Variants in NPR1 observed in about 807,000 individuals in gnomAD.
NPR1 encodes the protein atrial natriuretic peptide receptor 1.
A neutral mutation model predicts 116.9 loss-of-function variants in NPR1; 57 were observed. That is an observed-to-expected ratio of 0.49 (90% CI 0.39 to 0.61). NPR1 has a LOEUF of 0.61. NPR1 is among the 20% of genes least tolerant of loss of function. The pLI, the probability that NPR1 is intolerant of heterozygous loss-of-function variation, is 0.00. For synonymous variants in NPR1, 555 were observed against 601.6 expected (o/e 0.92, Z 1.13); for missense variants, 1,096 against 1,409.8 (o/e 0.78, Z 3.56).
At chr1:153,685,324 A>C (rs892049849) in intron 8 of NPR1, among the ~76,000 whole-genome samples, 1 of 143,824 alleles carries the variant, frequency 7.0e-6, no homozygotes, top group Non-Finnish European at 1.5e-5. Flanking sequence ...AAAACACTTT[A>C]AAAAAAAAAA....
chr1:153,689,814 A>G lies in NPR1; in HGVS notation c.2766A>G (p.Thr922=). ...CCTCGCCACTCCCACAGGTGGAGAC[A>G]ATTGGCGATGCCTACATGGTGGTGT... ...IDNFDVYKVE[T]IGDAYMVVSG... is the part of the protein sequence containing the mutation. Residue 922 remains threonine (T), a synonymous_variant, in exon 19 of 22, where the codon ACA becomes ACG. Coordinates refer to ENST00000368680, the MANE Select transcript of NPR1 (RefSeq NM_000906.4). This position sits in a 1 kb window ranked among gnomAD's most constrained non-coding sequence, Gnocchi z 5.1. 1 of 1,563,770 alleles carries G rather than the reference A, an allele frequency of 6.4e-7. No individual in the cohort carries two copies. The highest frequency in any genetic ancestry group is 8.7e-7 in the Non-Finnish European group (1 of 1,149,234).
intron 8 of NPR1, among the ~76,000 whole-genome samples, chr1:153,685,403 T>C (rs1311978679): frequency 6.6e-6 from 1 of 151,910 alleles, no homozygotes; most frequent in East Asian, 1.9e-4. Flanking sequence ...GTGGCTCACA[T>C]CTGCAATCCC....
In NPR1 at chr1:153,688,041, C is replaced by T; in HGVS notation, c.2249-12C>T. The T allele has an allele frequency of 6.3e-7, 1 of 1,592,344 alleles. No homozygotes were observed. Among genetic ancestry groups the T allele is most frequent in the South Asian group, 1.1e-5 (1 of 89,160 alleles). The stretch of plus-strand genomic sequence containing the variant: ...AGCCCCACCCCTCAGCTCCTCTACC[C>T]CCCCAATACAGAGATCATCGAGCGG... On this transcript the variant is annotated splice_polypyrimidine_tract_variant and intron_variant, in intron 14 of 21. Transcript: ENST00000368680.
intron 2 of NPR1, 133 bp from the exon 3 acceptor site, chr1:153,681,047 G>A (rs2101728920): frequency 3.1e-6 from 2 of 653,460 alleles, no homozygotes; most frequent in South Asian, 1.8e-5. Flanking sequence ...TTCATGCAGG[G>A]CATAGGGTCC....
Position 153,683,789 on chromosome 1 carries a change from G to A in NPR1, c.1449G>A (p.Leu483=). ...TGGCTTTGGTGGGCAGCCTCTCCTT[G>A]CTCGGCATTCTGATTGTCTCCTTCT... ...EVLALVGSLS[L]LGILIVSFFI... The change falls in exon 7 of 22, where the codon TTG becomes TTA. Residue 483 remains leucine (L), a synonymous_variant. Transcript: ENST00000368680. 6.2e-7 allele frequency: 1 copy of A among 1,613,994 alleles called. No homozygotes were observed.
chr1:153,686,325 C>G (rs1669927158), intron 10 of NPR1, 125 bp downstream of exon 10: 1 of 895,214 alleles, frequency 1.1e-6, no homozygotes, highest in Non-Finnish European at 1.8e-6. Context: ...GACTGGAGCC[C>G]TGGGATGGAC....
rs1264744512 is a variant in NPR1 at position 153,679,118 on chromosome 1, C to T, written c.10C>T (p.Pro4Ser). 4 of 1,430,240 alleles carry T rather than the reference C, an allele frequency of 2.8e-6. No homozygotes were observed. The highest frequency in any genetic ancestry group is 2.8e-5 in the East Asian group (1 of 35,440). The allele number at this position is 1,430,240 out of a possible 1,614,324, so 88.6% of individuals were successfully genotyped here. Residue 4 changes from proline (P) to serine (S), a missense_variant, in exon 1 of 22, where the codon CCC (proline) becomes TCC (serine). Coordinates refer to ENST00000368680, the MANE Select transcript of NPR1 (RefSeq NM_000906.4). This position sits in a 1 kb window ranked among gnomAD's most constrained non-coding sequence, Gnocchi z 4.2. ...GGTGCCCGCTGAGGCCATGCCGGGGCCCCGGCGCCCCGCTGGCTCCCGCCT... is the reference window on the plus strand; with the variant it reads ...GGTGCCCGCTGAGGCCATGCCGGGGTCCCGGCGCCCCGCTGGCTCCCGCCT... Reference protein sequence around the residue: MPGPRRPAGSRLRL... With the variant: MPGSRRPAGSRLRL...
chr1:153,687,109 G>C, intron 12 of NPR1, 22 bp downstream of exon 12: 3 of 1,613,970 alleles, frequency 1.9e-6, no homozygotes, highest in Non-Finnish European at 2.5e-6. Context: ...AGCACCTATT[G>C]GATGTGTAGA....
At position 153,689,181 on chromosome 1, in the gene NPR1, C is replaced by A. The variant is rs1670018850; in HGVS notation, c.2565-7C>A. ...ACTCTGATCCTGCACCTGCCCTGAC[C>A]CCTTAGCTCAGTGGCTGAGCAGCTG... is the stretch of plus-strand genomic sequence containing the variant. On this transcript the variant is annotated splice_region_variant and splice_polypyrimidine_tract_variant and intron_variant, in intron 16 of 21. Transcript: ENST00000368680. The surrounding 1 kb of genome is among the most constrained non-coding windows in gnomAD (Gnocchi z 5.1). 3 of 1,614,096 alleles carry A rather than the reference C, an allele frequency of 1.9e-6. No homozygotes were observed. The highest frequency in any genetic ancestry group is 2.5e-6 in the Non-Finnish European group (3 of 1,180,044).
In NPR1 at chr1:153,687,980, A is replaced by T. The variant is rs145988849; in HGVS notation, c.2249-73A>T. The T allele has an allele frequency of 1.5e-3, 1,819 of 1,185,668 alleles. 19 individuals are homozygous for T. The African/African-American group carries it at 0.025, about 16-fold the overall frequency. 73.4% of individuals were successfully genotyped at this position (1,185,668 alleles called of 1,614,324 possible). A position where few individuals can be genotyped will look rare whatever the true frequency, so the allele number is the denominator to read the frequency against. ...GGTCTTGGACTTCCCCTGCCATCTC[A>T]GCTGGTTGCCCCAGTCTCTCACTAG... On this transcript the variant is annotated intron_variant, in intron 14 of 21. Coordinates refer to ENST00000368680, the MANE Select transcript of NPR1 (RefSeq NM_000906.4).
At chr1:153,682,195 C>T (rs1669800536) in intron 4 of NPR1, among the ~76,000 whole-genome samples, 1 of 152,018 alleles carries the variant, frequency 6.6e-6, no homozygotes, top group Admixed American at 6.6e-5. Context: ...GCTGGGATTA[C>T]AGGTGCCCTC....
At chr1:153,688,018 C>T in intron 14 of NPR1, 35 bp from the exon 15 acceptor site, 1 of 1,488,068 alleles carries the variant, frequency 6.7e-7, no homozygotes, top group Non-Finnish European at 9.2e-7. Context: ...CCTTGGCCAG[C>T]CCCACCCCTC....
Position 153,687,030 on chromosome 1 carries a change from T to C in NPR1, c.1878T>C (p.Asn626=). ...TGCCCCAGCAGGACATTCTGGAGAATGAGAGCATCACCCTGGACTGGATGT... is the reference window on the plus strand; with the variant it reads ...TGCCCCAGCAGGACATTCTGGAGAACGAGAGCATCACCCTGGACTGGATGT... The part of the protein sequence containing the change: ...PRGSLQDILE[N]ESITLDWMFR... The change falls in exon 12 of 22, where the codon AAT becomes AAC. Residue 626 remains asparagine, a synonymous_variant. Coordinates refer to ENST00000368680, the MANE Select transcript of NPR1 (RefSeq NM_000906.4). The C allele has an allele frequency of 6.2e-7, 1 of 1,613,672 alleles. No homozygotes were observed. The highest frequency in any genetic ancestry group is 2.2e-5 in the East Asian group (1 of 44,880).
intron 10 of NPR1, 58 bp downstream of exon 10, chr1:153,686,258 A>G: frequency 6.6e-7 from 1 of 1,506,300 alleles, no homozygotes; most frequent in Non-Finnish European, 9.2e-7. Flanking sequence ...CGCAAGGGAG[A>G]CTGGCCAACA....
At position 153,682,433 on chromosome 1, in the gene NPR1, G is replaced by C. The variant is rs928481356; in HGVS notation, c.1172-65G>C. Reference sequence around the variant, plus strand: ...GGCAAAAAAGATTAGAGGATGAAGAGATGAAGTGGGGCACCCCTGAACTTC... The same window carrying C: ...GGCAAAAAAGATTAGAGGATGAAGACATGAAGTGGGGCACCCCTGAACTTC... On this transcript the variant is annotated intron_variant, in intron 4 of 21. Transcript: ENST00000368680. 2.6e-6 allele frequency: 3 copies of C among 1,159,396 alleles called. No individual in the cohort carries two copies. In the African/African-American group the frequency reaches 4.5e-5, roughly 18 times the overall value. 71.8% of individuals were successfully genotyped at this position (1,159,396 alleles called of 1,614,324 possible).
At position 153,687,678 on chromosome 1, in the gene NPR1, C is replaced by T. The variant is rs139174442; in HGVS notation, c.2137C>T (p.Pro713Ser). 6 of 1,605,138 alleles carry T rather than the reference C, an allele frequency of 3.7e-6. No homozygotes were observed. Among genetic ancestry groups the T allele is most frequent in the Non-Finnish European group, 5.1e-6 (6 of 1,172,972 alleles). Residue 713 changes from proline to serine, a missense_variant, in exon 14 of 22, where the codon CCT (proline) becomes TCT (serine). Coordinates refer to ENST00000368680, the MANE Select transcript of NPR1 (RefSeq NM_000906.4). ...APELLRMASP[P>S]VRGSQAGDVY... ...TGAGCTCCTGCGAATGGCTTCACCCCCTGTGCGGGGCTCCCAGGCTGGTGA... is the reference window on the plus strand; with the variant it reads ...TGAGCTCCTGCGAATGGCTTCACCCTCTGTGCGGGGCTCCCAGGCTGGTGA...
rs1326397149 is a variant in NPR1 at position 153,683,762 on chromosome 1, G to T, written c.1422G>T (p.Val474=). 1 of 1,614,084 alleles carries T rather than the reference G, an allele frequency of 6.2e-7. No homozygotes were observed. Among genetic ancestry groups the T allele is most frequent in the Non-Finnish European group, 8.5e-7 (1 of 1,180,014 alleles). ...CNQDHLSTLE[V]LALVGSLSLL... ...CAGATCACCTTTCCACCCTGGAGGTGCTGGCTTTGGTGGGCAGCCTCTCCT... is the reference window on the plus strand; with the variant it reads ...CAGATCACCTTTCCACCCTGGAGGTTCTGGCTTTGGTGGGCAGCCTCTCCT... Residue 474 remains valine, a synonymous_variant, in exon 7 of 22, where the codon GTG becomes GTT. Transcript: ENST00000368680.
Position 153,687,267 on chromosome 1 carries a change from T to C in NPR1, c.2003T>C (p.Val668Ala), listed in dbSNP as rs1669957841. 6.2e-7 allele frequency: 1 copy of C among 1,613,992 alleles called. No individual in the cohort carries two copies. Among genetic ancestry groups the C allele is most frequent in the Non-Finnish European group, 8.5e-7 (1 of 1,179,994 alleles). Residue 668 changes from valine (V) to alanine (A), a missense_variant, in exon 13 of 22, where the codon GTA becomes GCA. Transcript: ENST00000368680. The stretch of plus-strand genomic sequence containing the variant: ...AACCTCAAGTCATCCAACTGCGTGG[T>C]AGATGGGCGCTTTGTGCTCAAGATC... ...HGNLKSSNCVVDGRFVLKITD... is the reference protein window; with the variant it reads ...HGNLKSSNCVADGRFVLKITD...
intron 20 of NPR1, among the ~76,000 whole-genome samples, chr1:153,690,819 T>C (rs1026532614): frequency 1.3e-5 from 2 of 151,868 alleles, no homozygotes; most frequent in Non-Finnish European, 2.9e-5. Context: ...GGCAGGCTCC[T>C]GTAATCCCAG....
Sources: gnomAD v4.1 joint callset for allele counts (sites outside exome capture counted in the v4.1 genomes callset) on GRCh38, gnomAD v4.1.1 for gene constraint, Gnocchi (gnomAD v3.1) non-coding constraint, MANE v1.5 for transcripts, NCBI Gene and HGNC (gene_info 2026-07-23, HGNC 2026-07-21) for gene names.